Variants in CSMD1 observed in about 807,000 individuals in gnomAD.
The protein encoded by CSMD1 is CUB and Sushi multiple domains 1.
CSMD1 carries 213 observed loss-of-function variants against 417.5 expected under a neutral mutation model. The observed-to-expected ratio is 0.51, with a 90% CI of 0.46 to 0.57. The LOEUF (loss-of-function observed/expected upper bound fraction) is 0.57, where lower values mean the gene tolerates loss of function less well. Among genes scored for constraint, CSMD1 ranks in the 20% least tolerant of loss-of-function variants. The pLI is 0.00. For missense variants in CSMD1, 6,923 were observed against 4,529.7 expected (o/e 1.53, Z -15.17); for synonymous variants, 2,862 against 1,736.8 (o/e 1.65, Z -16.11).
intron 2 of CSMD1, among the ~76,000 whole-genome samples, chr8:4,526,031 G>A (rs1350332266): frequency 6.6e-6 from 1 of 152,156 alleles, no homozygotes; most frequent in South Asian, 2.1e-4. Context: ...AAGGAGTGGA[G>A]CGGGTGATGA....
At position 4,729,286 on chromosome 8, in the gene CSMD1, G is replaced by A. The variant is rs1385419559; in HGVS notation, c.86-91728C>T. Among the ~76,000 whole-genome samples, 6 of 151,950 alleles carry A rather than the reference G, an allele frequency of 3.9e-5. No individual in the cohort carries two copies. In the South Asian group the frequency reaches 6.2e-4, roughly 16 times the overall value. ...GAATAAAAACCCGATCATTATATTC[G>A]GAAATGCAGTCATCGATGATCCACA... On this transcript the variant is annotated intron_variant, in intron 1 of 69. Transcript: ENST00000635120.
intron 5 of CSMD1, among the ~76,000 whole-genome samples, chr8:3,795,065 TATATCTATCATGTAC>T (rs1799970694): frequency 1.3e-5 from 1 of 79,456 alleles, no homozygotes; most frequent in African/African-American, 5.1e-5. Flanking sequence ...GCTATAGATA[TATATCTATCATGTAC>T]AGCTATAGAT....
intron 5 of CSMD1, among the ~76,000 whole-genome samples, chr8:3,858,630 A>G (rs1413029149): frequency 2.0e-5 from 3 of 151,938 alleles, no homozygotes; most frequent in Non-Finnish European, 4.4e-5. Flanking sequence ...TTAAAACATT[A>G]CCTTTTTCTA....
In CSMD1 at chr8:4,878,492, T is replaced by C. The variant is rs190497760; in HGVS notation, c.85+115840A>G. 3.8e-3 allele frequency among the ~76,000 whole-genome samples: 574 copies of C among 151,846 alleles called. 10 individuals are homozygous for C. The highest frequency in any genetic ancestry group is 0.014 in the African/African-American group (560 of 41,308). ...GAGGTAAGACAGCATAGAATCATGATGATGATGATGATGATGATTTTTATT... is the reference window on the plus strand; with the variant it reads ...GAGGTAAGACAGCATAGAATCATGACGATGATGATGATGATGATTTTTATT... On this transcript the variant is annotated intron_variant, in intron 1 of 69. Coordinates refer to ENST00000635120, the MANE Select transcript of CSMD1 (RefSeq NM_033225.6).
intron 26 of CSMD1, among the ~76,000 whole-genome samples, chr8:3,262,820 A>C (rs1801179566): frequency 6.6e-6 from 1 of 152,252 alleles, no homozygotes; most frequent in Non-Finnish European, 1.5e-5. Flanking sequence ...AAACATAAGT[A>C]AATGAATTCT....
chr8:4,859,678 A>G (rs1479182824), intron 1 of CSMD1, among the ~76,000 whole-genome samples: 1 of 152,106 alleles, frequency 6.6e-6, no homozygotes, highest in Non-Finnish European at 1.5e-5. Context: ...ATCCCTGGCC[A>G]TCAGAGAAAT....
At chr8:3,470,874 T>C (rs1817053974) in intron 11 of CSMD1, among the ~76,000 whole-genome samples, 1 of 152,198 alleles carries the variant, frequency 6.6e-6, no homozygotes, top group East Asian at 1.9e-4. Context: ...TATCGCTGGG[T>C]AGTATGTCAT....
Position 4,088,186 on chromosome 8 carries a change from T to C in CSMD1, c.416-56087A>G, listed in dbSNP as rs535104122. ...TGAATATTCTTCCCGTTGTTTTTAATGCCCAATCCCTTCATTAAAGATGAC... is the reference window on the plus strand; with the variant it reads ...TGAATATTCTTCCCGTTGTTTTTAACGCCCAATCCCTTCATTAAAGATGAC... On this transcript the variant is annotated intron_variant, in intron 3 of 69. Coordinates refer to ENST00000635120, the MANE Select transcript of CSMD1 (RefSeq NM_033225.6). Among the ~76,000 whole-genome samples, 14 of 152,332 alleles carry C rather than the reference T, an allele frequency of 9.2e-5. No individual in the cohort carries two copies. The East Asian group carries it at 2.7e-3, about 29-fold the overall frequency.
intron 49 of CSMD1, among the ~76,000 whole-genome samples, chr8:3,061,633 G>T (rs1375309295): frequency 6.6e-6 from 1 of 152,114 alleles, no homozygotes; most frequent in Non-Finnish European, 1.5e-5. Context: ...ATACAATAAA[G>T]CACTGACCCC....
intron 3 of CSMD1, among the ~76,000 whole-genome samples, chr8:4,201,776 G>T (rs994909237): frequency 2.6e-5 from 4 of 151,042 alleles, no homozygotes; most frequent in Non-Finnish European, 5.9e-5. Context: ...ATGAAGGGAG[G>T]TTTATGTACC....
intron 65 of CSMD1, among the ~76,000 whole-genome samples, 157 bp from the exon 66 acceptor site, chr8:2,951,432 C>T (rs916599575): frequency 2.6e-5 from 4 of 152,054 alleles, no homozygotes; most frequent in African/African-American, 7.3e-5. Flanking sequence ...GTTCACAGCA[C>T]GTGCAAAACT....
At chr8:3,699,588 G>C (rs1224086192) in intron 7 of CSMD1, among the ~76,000 whole-genome samples, 2 of 152,068 alleles carry the variant, frequency 1.3e-5, no homozygotes, top group Non-Finnish European at 2.9e-5. Flanking sequence ...TATTTTGAAA[G>C]ATAGTGAATT....
At chr8:4,311,663 C>T (rs1798580566) in intron 3 of CSMD1, among the ~76,000 whole-genome samples, 2 of 146,660 alleles carry the variant, frequency 1.4e-5, no homozygotes, top group South Asian at 2.1e-4. Flanking sequence ...GCAGAGGCTG[C>T]AGTGAGCCGA....
intron 5 of CSMD1, among the ~76,000 whole-genome samples, chr8:3,936,862 G>C (rs926670514): frequency 6.6e-6 from 1 of 152,138 alleles, no homozygotes; most frequent in Non-Finnish European, 1.5e-5. Context: ...GATCTAGCTA[G>C]ACAAGGTAAA....
intron 40 of CSMD1, among the ~76,000 whole-genome samples, chr8:3,146,426 C>G (rs934168763): frequency 1.3e-5 from 2 of 151,928 alleles, no homozygotes; most frequent in Admixed American, 1.3e-4. Context: ...TTAAATAATA[C>G]CCTATTTCAT....
At chr8:3,823,379 A>C (rs1376269567) in intron 5 of CSMD1, among the ~76,000 whole-genome samples, 1 of 152,188 alleles carries the variant, frequency 6.6e-6, no homozygotes, top group African/African-American at 2.4e-5. Flanking sequence ...TTTAAAGGAA[A>C]GTTAAATACT....
chr8:3,992,392 T>A (rs1240253250), intron 5 of CSMD1, among the ~76,000 whole-genome samples: 3 of 152,124 alleles, frequency 2.0e-5, no homozygotes, highest in Non-Finnish European at 4.4e-5. Flanking sequence ...ATTAAATCAA[T>A]CTAATCAGTG....
intron 2 of CSMD1, among the ~76,000 whole-genome samples, chr8:4,556,808 T>C (rs1247694939): frequency 2.0e-5 from 3 of 152,156 alleles, no homozygotes; most frequent in African/African-American, 7.2e-5. Flanking sequence ...GACATAAAGC[T>C]CAAATCAAAC....
intron 6 of CSMD1, among the ~76,000 whole-genome samples, chr8:3,714,916 G>C (rs28516523): frequency 0.55 from 84,004 of 151,914 alleles, 23,471 homozygotes; most frequent in African/African-American, 0.63. Context: ...AATCTCAATG[G>C]TTTACATTGT....
Sources: gnomAD v4.1 joint callset for allele counts (sites outside exome capture counted in the v4.1 genomes callset) on GRCh38, gnomAD v4.1.1 for gene constraint, MANE v1.5 for transcripts, NCBI Gene and HGNC (gene_info 2026-07-23, HGNC 2026-07-21) for gene names.